Variants in PCSK2 observed in about 807,000 individuals in gnomAD.
The protein encoded by PCSK2 is neuroendocrine convertase 2.
Under a neutral mutation model 69.7 loss-of-function variants are expected in PCSK2, and 14 were observed. The observed-to-expected ratio is 0.20, with a 90% CI of 0.13 to 0.31. PCSK2 has a LOEUF of 0.31. Ranked by LOEUF, PCSK2 falls within the 10% of genes least tolerant of loss-of-function variation. The probability of loss-of-function intolerance (pLI) is 1.00; values close to 1 mark genes in which losing one functional copy is unlikely to be tolerated. For synonymous variants in PCSK2, 307 were observed against 320.7 expected (o/e 0.96, Z 0.46); for missense variants, 544 against 842.5 (o/e 0.65, Z 4.39).
intron 5 of PCSK2, among the ~76,000 whole-genome samples, chr20:17,386,675 G>T (rs2031242789): frequency 6.6e-6 from 1 of 152,096 alleles, no homozygotes; most frequent in Non-Finnish European, 1.5e-5. Flanking sequence ...TGGGTATAGA[G>T]TTTTAGTTTT....
At chr20:17,231,644 A>T (rs1345620522) in intron 1 of PCSK2, among the ~76,000 whole-genome samples, 1 of 152,204 alleles carries the variant, frequency 6.6e-6, no homozygotes, top group Non-Finnish European at 1.5e-5. Flanking sequence ...ATCACTAAAA[A>T]ACTTAGTGGC....
At chr20:17,235,566 G>A (rs1336763569) in intron 1 of PCSK2, among the ~76,000 whole-genome samples, 1 of 152,142 alleles carries the variant, frequency 6.6e-6, no homozygotes, top group African/African-American at 2.4e-5. Flanking sequence ...TTTGCAAAGT[G>A]TTGTAAGTCA....
chr20:17,246,496 G>A (rs900487102), intron 1 of PCSK2, among the ~76,000 whole-genome samples: 1 of 152,144 alleles, frequency 6.6e-6, no homozygotes, highest in Non-Finnish European at 1.5e-5. Context: ...AAATTAAAAA[G>A]GAGAATGTAA....
chr20:17,466,709 G>A (rs3790338), intron 11 of PCSK2, among the ~76,000 whole-genome samples: 45,487 of 152,178 alleles, frequency 0.3, 8,073 homozygotes, highest in South Asian at 0.56. Flanking sequence ...GAACTTAAGT[G>A]TATCATTTGA....
chr20:17,398,758 GTT>G (rs368307941), intron 5 of PCSK2, among the ~76,000 whole-genome samples: 1 of 143,944 alleles, frequency 6.9e-6, no homozygotes. Context: ...TTGGAGGTTT[GTT>G]TTTTTTTTTA....
chr20:17,360,597 G>A lies in PCSK2; in HGVS notation c.462G>A (p.Leu154=), dbSNP rs753695173. 5 of 1,612,094 alleles carry A rather than the reference G, an allele frequency of 3.1e-6. No homozygotes were observed. In the Admixed American group the frequency reaches 5.0e-5, roughly 16 times the overall value. The change falls in exon 4 of 12, where the codon CTG becomes CTA. Residue 154 remains leucine (L), a synonymous_variant. Transcript: ENST00000262545. ...LDLNVAEAWE[L]GYTGKGVTIG... is the part of the protein sequence containing the mutation. ...TGAATGTGGCTGAAGCCTGGGAGCT[G>A]GGATACACAGGGAAAGGTGTTACCA...
At chr20:17,338,220 G>A (rs6105742) in intron 2 of PCSK2, among the ~76,000 whole-genome samples, 88,592 of 146,520 alleles carry the variant, frequency 0.6, 28,080 homozygotes, top group East Asian at 0.97. Flanking sequence ...TTTTTGAGAC[G>A]GAGTCTCACT....
intron 2 of PCSK2, among the ~76,000 whole-genome samples, chr20:17,347,887 AGAAAGAAAG>A (rs1990710803): frequency 1.6e-4 from 1 of 6,312 alleles, no homozygotes; most frequent in Non-Finnish European, 6.9e-4. Context: ...AAAGAAAGAA[AGAAAGAAAG>A]AAAGAAAGAA....
rs1600423239 is a variant in PCSK2 at position 17,263,587 on chromosome 20, C to T, written c.282+3243C>T. Among the ~76,000 whole-genome samples, 3 of 152,226 alleles carry T rather than the reference C, an allele frequency of 2.0e-5. No homozygotes were observed. In the South Asian group the frequency reaches 6.2e-4, roughly 32 times the overall value. ...ATTGCCCTTCTCATTTTATATTTTC[C>T]TCCGTATCCCAAAATTTGTCTCCAT... is the stretch of plus-strand genomic sequence containing the variant. On this transcript the variant is annotated intron_variant, in intron 2 of 11. Coordinates refer to ENST00000262545, the MANE Select transcript of PCSK2 (RefSeq NM_002594.5).
intron 3 of PCSK2, 71 bp from the exon 4 acceptor site, chr20:17,360,461 A>G (rs1309669891): frequency 1.1e-5 from 10 of 872,580 alleles, no homozygotes; most frequent in African/African-American, 6.7e-5. Context: ...GAGTATGTCA[A>G]GTAAATATGT....
chr20:17,378,364 C>A (rs1364501954), intron 5 of PCSK2, among the ~76,000 whole-genome samples: 1 of 152,174 alleles, frequency 6.6e-6, no homozygotes, highest in Non-Finnish European at 1.5e-5. Flanking sequence ...TTTGCTTCCA[C>A]CTAGAAGCCT....
chr20:17,319,999 T>C (rs1184143870), intron 2 of PCSK2, among the ~76,000 whole-genome samples: 1 of 152,160 alleles, frequency 6.6e-6, no homozygotes, highest in Non-Finnish European at 1.5e-5. Context: ...GGGGAAAATC[T>C]ATCAGGACTA....
intron 2 of PCSK2, among the ~76,000 whole-genome samples, chr20:17,332,862 T>A (rs6111509): frequency 0.13 from 19,699 of 152,160 alleles, 1,982 homozygotes; most frequent in East Asian, 0.55. Context: ...TGCAATATAG[T>A]CTTTGAAGTC....
intron 1 of PCSK2, among the ~76,000 whole-genome samples, chr20:17,250,021 C>T (rs1986915966): frequency 6.6e-6 from 1 of 152,078 alleles, no homozygotes; most frequent in African/African-American, 2.4e-5. Flanking sequence ...ACAATAAAAA[C>T]ATTACTTTTA....
At chr20:17,311,745 A>G (rs974400127) in intron 2 of PCSK2, among the ~76,000 whole-genome samples, 3 of 152,194 alleles carry the variant, frequency 2.0e-5, no homozygotes, top group Non-Finnish European at 4.4e-5. Flanking sequence ...CAAGGAGCCT[A>G]TACTGGAGTG....
chr20:17,393,106 C>T (rs747276891), intron 5 of PCSK2, among the ~76,000 whole-genome samples: 9 of 152,062 alleles, frequency 5.9e-5, no homozygotes, highest in Non-Finnish European at 8.8e-5. Context: ...CTATGATAGG[C>T]GTTGTGTAGC....
At chr20:17,480,184 C>CTTTTTTTTTTTTTTTTTTTTTTTTTTTT (rs1164266992) in intron 11 of PCSK2, among the ~76,000 whole-genome samples, 2 of 76,996 alleles carry the variant, frequency 2.6e-5, no homozygotes, top group Admixed American at 1.6e-4. Context: ...TTCAGCTTTT[C>CTTTTTTTTTTTTTTTTTTTTTTTTTTTT]TTTTTTTTTT....
At chr20:17,473,087 CTTTTT>C (rs10648323) in intron 11 of PCSK2, among the ~76,000 whole-genome samples, 3 of 76,800 alleles carry the variant, frequency 3.9e-5, no homozygotes, top group African/African-American at 1.6e-4. Context: ...AAGAAGAACT[CTTTTT>C]TTTTTTTTTT....
chr20:17,474,240 GC>G (rs1236818383), intron 11 of PCSK2, among the ~76,000 whole-genome samples: 1 of 152,174 alleles, frequency 6.6e-6, no homozygotes, highest in Non-Finnish European at 1.5e-5. Flanking sequence ...TGGAAACCTG[GC>G]TGAAATAAGA....
Sources: allele counts gnomAD v4.1 joint callset (sites outside exome capture counted in the v4.1 genomes callset), GRCh38; gene constraint gnomAD v4.1.1; transcripts MANE v1.5; gene names NCBI Gene and HGNC (gene_info 2026-07-23, HGNC 2026-07-21).